The following FGF12 variants were observed in gnomAD, a reference collection of about 807,000 sequenced individuals.
FGF12 encodes fibroblast growth factor 12B.
In FGF12, 14 loss-of-function variants were observed where a neutral mutation model predicts 23.6. That is an observed-to-expected ratio of 0.59 (90% confidence interval 0.39 to 0.93). FGF12 has a LOEUF of 0.93. FGF12 is among the 40% of genes least tolerant of loss of function. The pLI is 0.00. For synonymous variants in FGF12, 62 were observed against 77.3 expected, an observed-to-expected ratio of 0.80 and a Z score of 1.04; for missense variants, 175 against 217.8, an observed-to-expected ratio of 0.80 and a Z score of 1.24.
At chr3:192,407,890 T>C in intron 2 of FGF12, 1 of 982,000 alleles carries the variant, frequency 1.0e-6, no homozygotes, top group Admixed American at 2.4e-5. Flanking sequence ...TTGAAAGAAG[T>C]CTGGAAATGA....
intron 2 of FGF12, among the ~76,000 whole-genome samples, chr3:192,628,878 C>T (rs769247705): frequency 1.3e-5 from 2 of 151,734 alleles, no homozygotes; most frequent in Admixed American, 1.3e-4. Flanking sequence ...CTCTGGAGAA[C>T]CCTGACTAAT....
intron 4 of FGF12, among the ~76,000 whole-genome samples, chr3:192,195,915 T>C (rs1717044162): frequency 6.6e-6 from 1 of 152,244 alleles, no homozygotes. Flanking sequence ...ATATGTCTTC[T>C]TTAACTACAG....
chr3:192,158,393 C>CTTTCTTTTCTT (rs1368589642), intron 5 of FGF12, among the ~76,000 whole-genome samples: 1,853 of 79,052 alleles, frequency 0.023, 50 homozygotes, highest in Admixed American at 0.026. Flanking sequence ...TTTTCTTTCT[C>CTTTCTTTTCTT]TCTCTTTCTT....
At chr3:192,323,152 A>C (rs1165345255) in intron 4 of FGF12, among the ~76,000 whole-genome samples, 4 of 152,226 alleles carry the variant, frequency 2.6e-5, no homozygotes, top group Admixed American at 2.6e-4. Flanking sequence ...TATGGAAAAC[A>C]GTATGGAGGT....
intron 4 of FGF12, among the ~76,000 whole-genome samples, chr3:192,201,474 T>C (rs1444791540): frequency 6.6e-6 from 1 of 152,218 alleles, no homozygotes; most frequent in African/African-American, 2.4e-5. Flanking sequence ...AATGTCAATG[T>C]GAGTTATTTG....
At chr3:192,536,855 T>A (rs1233319540) in intron 2 of FGF12, among the ~76,000 whole-genome samples, 1 of 152,114 alleles carries the variant, frequency 6.6e-6, no homozygotes, top group African/African-American at 2.4e-5. Flanking sequence ...TAAATTATTG[T>A]TAACTTTAGT....
chr3:192,450,777 C>A (rs1722499439), intron 2 of FGF12, among the ~76,000 whole-genome samples: 1 of 152,170 alleles, frequency 6.6e-6, no homozygotes, highest in South Asian at 2.1e-4. Context: ...GATCATTTAG[C>A]CTCCGTATCT....
chr3:192,305,679 A>AAAAAAATATATATATATAT (rs1423738741), intron 4 of FGF12, among the ~76,000 whole-genome samples: 7 of 131,930 alleles, frequency 5.3e-5, no homozygotes, highest in South Asian at 5.2e-4. Context: ...AAAAAAAAAA[A>AAAAAAATATATATATATAT]ATATATATAT....
chr3:192,475,794 T>C (rs1723300280), intron 2 of FGF12, among the ~76,000 whole-genome samples: 1 of 152,194 alleles, frequency 6.6e-6, no homozygotes, highest in Admixed American at 6.5e-5. Flanking sequence ...CTTCTATGTG[T>C]CTGAAATACG....
intron 2 of FGF12, among the ~76,000 whole-genome samples, chr3:192,412,209 G>A (rs1002242903): frequency 5.3e-5 from 8 of 152,146 alleles, no homozygotes; most frequent in Non-Finnish European, 8.8e-5. Context: ...GCCACCCTGC[G>A]CCCCCTATAA....
At chr3:192,350,080 G>T (rs561342004) in intron 3 of FGF12, among the ~76,000 whole-genome samples, 27 of 152,062 alleles carry the variant, frequency 1.8e-4, no homozygotes, top group African/African-American at 6.5e-4. Flanking sequence ...TTATCAAGGC[G>T]TTACTCATTA....
intron 2 of FGF12, among the ~76,000 whole-genome samples, chr3:192,625,438 C>T (rs1715131829): frequency 6.6e-6 from 1 of 151,816 alleles, no homozygotes; most frequent in Admixed American, 6.6e-5. Flanking sequence ...AGCATATTTC[C>T]ATATGTTTAA....
chr3:192,301,400 T>G (rs1416550404), intron 4 of FGF12, among the ~76,000 whole-genome samples: 1 of 152,198 alleles, frequency 6.6e-6, no homozygotes, highest in Non-Finnish European at 1.5e-5. Context: ...ATTCATCCAG[T>G]AAGTAAAAAT....
chr3:192,552,620 G>A (rs2108587008), intron 2 of FGF12, among the ~76,000 whole-genome samples: 1 of 152,298 alleles, frequency 6.6e-6, no homozygotes, highest in African/African-American at 2.4e-5. Flanking sequence ...GCCAGGCATG[G>A]TGGCTCATGC....
chr3:192,185,910 AT>A (rs1370479586), intron 4 of FGF12, among the ~76,000 whole-genome samples: 1 of 152,180 alleles, frequency 6.6e-6, no homozygotes, highest in Non-Finnish European at 1.5e-5. Flanking sequence ...AGCCTAAAAA[AT>A]AACCATTTAA....
At chr3:192,369,235 T>A (rs1381793480) in intron 2 of FGF12, among the ~76,000 whole-genome samples, 1 of 152,206 alleles carries the variant, frequency 6.6e-6, no homozygotes, top group Non-Finnish European at 1.5e-5. Flanking sequence ...TTTTCCTTTG[T>A]CACCTGTGAC....
chr3:192,598,633 C>T lies in FGF12; in HGVS notation c.13+128548G>A, dbSNP rs76263605. On this transcript the variant is annotated intron_variant, in intron 2 of 5. Transcript: ENST00000445105. ...TAAATGCAGGTTCTGCATCAGTAGGCCTGGAGTACAGCTAAAAGTCTGCAT... is the reference window on the plus strand; with the variant it reads ...TAAATGCAGGTTCTGCATCAGTAGGTCTGGAGTACAGCTAAAAGTCTGCAT... Among the ~76,000 whole-genome samples, 979 of 152,168 alleles carry T rather than the reference C, an allele frequency of 6.4e-3. 12 individuals are homozygous for T. Among genetic ancestry groups the T allele is most frequent in the African/African-American group, 0.022 (922 of 41,530 alleles).
rs139290420 is a variant in FGF12, at chr3:192,634,286, C to T, written c.13+92895G>A. Among the ~76,000 whole-genome samples, 52 of 151,920 alleles carry T rather than the reference C, an allele frequency of 3.4e-4. No individual in the cohort carries two copies. In the East Asian group the frequency reaches 4.8e-3, roughly 14 times the overall value. ...CTACATCCATGGATTCAACCAAATG[C>T]AGATCGAAAATATCCAAAAAATAAA... is the stretch of plus-strand genomic sequence containing the variant. On this transcript the variant is annotated intron_variant, in intron 2 of 5. Coordinates refer to ENST00000445105, the MANE Select transcript of FGF12 (RefSeq NM_004113.6).
chr3:192,501,117 T>C lies in FGF12; in HGVS notation c.14-140579A>G, dbSNP rs1436619306. Among the ~76,000 whole-genome samples, 3 of 152,190 alleles carry C rather than the reference T, an allele frequency of 2.0e-5. No individual in the cohort carries two copies. The East Asian group carries it at 5.8e-4, about 29-fold the overall frequency. The stretch of plus-strand genomic sequence containing the variant: ...AGTTAGATATAATTTATATAAATGT[T>C]TAAAACACTCAAAACCATTACATAT... On this transcript the variant is annotated intron_variant, in intron 2 of 5. Transcript: ENST00000445105.
Sources: gnomAD v4.1 joint callset for allele counts (sites outside exome capture counted in the v4.1 genomes callset) on GRCh38, gnomAD v4.1.1 for gene constraint, MANE v1.5 for transcripts, NCBI Gene and HGNC (gene_info 2026-07-23, HGNC 2026-07-21) for gene names.